SLC8A3: variants seen among roughly 807,000 people sequenced by gnomAD.
The protein encoded by SLC8A3 is sodium/calcium exchanger 3.
Under a neutral mutation model 65.4 loss-of-function variants are expected in SLC8A3, and 37 were observed. The observed-to-expected ratio is 0.57, with a 90% confidence interval of 0.44 to 0.74. The LOEUF (loss-of-function observed/expected upper bound fraction) is 0.74, where lower values mean the gene tolerates loss of function less well. SLC8A3 is among the 30% of genes least tolerant of loss of function. The probability of loss-of-function intolerance (pLI) is 0.00; values close to 1 mark genes in which losing one functional copy is unlikely to be tolerated. For missense variants in SLC8A3, 1,112 were observed against 1,172.1 expected (o/e 0.95, Z 0.75); for synonymous variants, 461 against 444.5 (o/e 1.04, Z -0.47).
intron 3 of SLC8A3, among the ~76,000 whole-genome samples, chr14:70,054,752 A>AT (rs943167767): frequency 9.9e-5 from 15 of 151,900 alleles, no homozygotes; most frequent in South Asian, 2.1e-4. Flanking sequence ...AGTTACCTAC[A>AT]TTTTTTTTGT....
At chr14:70,088,092 G>T (rs138993034) in intron 2 of SLC8A3, among the ~76,000 whole-genome samples, 162 of 152,290 alleles carry the variant, frequency 1.1e-3, no homozygotes, top group African/African-American at 3.7e-3. Flanking sequence ...AAAGATTCAG[G>T]TAAGTGAGGG....
rs557119270 is a variant in SLC8A3 at position 70,182,564 on chromosome 14, G to GAAAA, written c.-63+5814_-63+5815insTTTT. 2.6e-3 allele frequency among the ~76,000 whole-genome samples: 390 copies of GAAAA among 151,828 alleles called. 1 individual carries two copies. The highest frequency in any genetic ancestry group is 9.0e-3 in the African/African-American group (374 of 41,348). On this transcript the variant is annotated intron_variant, in intron 1 of 6. Transcript: ENST00000356921. The stretch of plus-strand genomic sequence containing the variant: ...TATCTGGTGCAGGGAGAGAGAGAGA[G>GAAAA]AAAGAGGGAGGACAGCGGGCAGCTC...
chr14:70,100,230 A>G (rs182511158), intron 2 of SLC8A3, among the ~76,000 whole-genome samples: 1 of 152,348 alleles, frequency 6.6e-6, no homozygotes, highest in East Asian at 1.9e-4. Context: ...GATGAGGTCA[A>G]GGTTAAACCT....
At position 70,073,702 on chromosome 14, in the gene SLC8A3, C is replaced by T. The variant is rs73292549; in HGVS notation, c.1785-12763G>A. Among the ~76,000 whole-genome samples, 968 of 152,244 alleles carry T rather than the reference C, an allele frequency of 6.4e-3. 9 individuals are homozygous for T. Among genetic ancestry groups the T allele is most frequent in the African/African-American group, 0.022 (901 of 41,530 alleles). On this transcript the variant is annotated intron_variant, in intron 2 of 6. Coordinates refer to ENST00000356921, the MANE Select transcript of SLC8A3 (RefSeq NM_182932.3). ...CTTGTCTTCTCTCACTGCTGGGAAT[C>T]TTATTTTGAGAGAACAAATTTGATC... is the stretch of plus-strand genomic sequence containing the variant.
intron 3 of SLC8A3, among the ~76,000 whole-genome samples, chr14:70,055,367 C>T (rs1451915284): frequency 2.0e-5 from 3 of 152,242 alleles, no homozygotes; most frequent in Admixed American, 2.0e-4. Flanking sequence ...TTGGTTATTT[C>T]CTGGATCCCT....
At chr14:70,100,509 C>A (rs1379678386) in intron 2 of SLC8A3, among the ~76,000 whole-genome samples, 2 of 152,156 alleles carry the variant, frequency 1.3e-5, no homozygotes, top group African/African-American at 4.8e-5. Context: ...AAGGTTCAAG[C>A]AACTTTAGAT....
intron 2 of SLC8A3, among the ~76,000 whole-genome samples, chr14:70,100,990 C>T (rs540236363): frequency 5.3e-5 from 8 of 152,094 alleles, no homozygotes; most frequent in East Asian, 3.9e-4. Context: ...AAAGACTACA[C>T]GAATGTAAGG....
intron 1 of SLC8A3, among the ~76,000 whole-genome samples, chr14:70,174,651 GTTTTTTTTTTGTTT>G (rs546810933): frequency 0.12 from 10,469 of 89,534 alleles, 868 homozygotes; most frequent in Middle Eastern, 0.18. Context: ...GACCAAATCC[GTTTTTTTTTTGTTT>G]TTTTTTTTTT....
intron 2 of SLC8A3, among the ~76,000 whole-genome samples, chr14:70,131,747 T>C (rs1894840571): frequency 6.6e-6 from 1 of 152,226 alleles, no homozygotes; most frequent in Non-Finnish European, 1.5e-5. Context: ...GAAGACATTG[T>C]ATATGCGTGA....
chr14:70,048,264 G>A (rs79082501), intron 6 of SLC8A3: 12 of 237,576 alleles, frequency 5.1e-5, no homozygotes, highest in Non-Finnish European at 8.2e-6. Context: ...AAGAATGTAT[G>A]TGGGCATTTC....
intron 2 of SLC8A3, among the ~76,000 whole-genome samples, chr14:70,141,996 C>T (rs1442442107): frequency 6.6e-6 from 1 of 152,150 alleles, no homozygotes; most frequent in Non-Finnish European, 1.5e-5. Context: ...CACCAGTGAC[C>T]AGAGCCCTGC....
intron 2 of SLC8A3, among the ~76,000 whole-genome samples, chr14:70,096,618 C>A (rs1264108358): frequency 6.6e-6 from 1 of 152,222 alleles, no homozygotes; most frequent in Non-Finnish European, 1.5e-5. Context: ...TCCTCTATCA[C>A]TCCACACCTC....
intron 1 of SLC8A3, among the ~76,000 whole-genome samples, chr14:70,177,111 G>C (rs923188179): frequency 2.6e-5 from 4 of 152,254 alleles, no homozygotes; most frequent in Admixed American, 6.5e-5. Context: ...TAAGTTCCAA[G>C]AGGGTAGAAA....
chr14:70,135,263 G>A (rs564573024), intron 2 of SLC8A3, among the ~76,000 whole-genome samples: 17 of 152,316 alleles, frequency 1.1e-4, no homozygotes, highest in African/African-American at 3.4e-4. Flanking sequence ...AGGATGTGGA[G>A]AAAGGAGATG....
chr14:70,168,011 G>C lies in SLC8A3; in HGVS notation c.412C>G (p.Leu138Val). ...VWNETVSNLT[L>V]MALGSSAPEI... ...GGAGCAGAGGAACCCAGGGCCATAA[G>C]GGTCAGGTTGGAGACAGTTTCATTC... is the stretch of plus-strand genomic sequence containing the variant. Residue 138 changes from leucine (L) to valine (V), a missense_variant, in exon 2 of 7, where the codon CTT becomes GTT. Coordinates refer to ENST00000356921, the MANE Select transcript of SLC8A3 (RefSeq NM_182932.3). The C allele has an allele frequency of 1.9e-6, 3 of 1,614,136 alleles. No homozygotes were observed. The highest frequency in any genetic ancestry group is 2.5e-6 in the Non-Finnish European group (3 of 1,180,018).
chr14:70,099,734 A>G (rs1295824702), intron 2 of SLC8A3, among the ~76,000 whole-genome samples: 2 of 152,224 alleles, frequency 1.3e-5, no homozygotes, highest in African/African-American at 4.8e-5. Flanking sequence ...TCAGATATGC[A>G]TCCTTACGAT....
Position 70,168,011 on chromosome 14 carries a change from G to A in SLC8A3, c.412C>T (p.Leu138Phe), listed in dbSNP as rs548296449. 1 of 1,614,018 alleles carries A rather than the reference G, an allele frequency of 6.2e-7. No homozygotes were observed. The highest frequency in any genetic ancestry group is 1.3e-5 in the African/African-American group (1 of 74,918). ...GGAGCAGAGGAACCCAGGGCCATAA[G>A]GGTCAGGTTGGAGACAGTTTCATTC... Reference protein sequence around the residue: ...VWNETVSNLTLMALGSSAPEI... With the variant: ...VWNETVSNLTFMALGSSAPEI... Residue 138 changes from leucine (L) to phenylalanine (F), a missense_variant, in exon 2 of 7, where the codon CTT becomes TTT. Leu to Phe is a conservative substitution (Grantham distance 22). Transcript: ENST00000356921.
In SLC8A3 at chr14:70,143,642, G is replaced by A. The variant is rs545088792; in HGVS notation, c.1784+22997C>T. Among the ~76,000 whole-genome samples, 9 of 152,212 alleles carry A rather than the reference G, an allele frequency of 5.9e-5. No individual in the cohort carries two copies. In the South Asian group the frequency reaches 1.7e-3, roughly 28 times the overall value. On this transcript the variant is annotated intron_variant, in intron 2 of 6. Coordinates refer to ENST00000356921, the MANE Select transcript of SLC8A3 (RefSeq NM_182932.3). ...TTTTCAAGCTTCCCGGGTAATTCTC[G>A]GGAGAAGCCAGGCTGAGAAGCCCTC...
intron 2 of SLC8A3, among the ~76,000 whole-genome samples, chr14:70,141,064 A>G (rs1895539346): frequency 6.6e-6 from 1 of 152,258 alleles, no homozygotes; most frequent in Non-Finnish European, 1.5e-5. Context: ...AATGGTCATA[A>G]TACCGATGCG....
Sources: gnomAD v4.1 joint callset for allele counts (sites outside exome capture counted in the v4.1 genomes callset) on GRCh38, gnomAD v4.1.1 for gene constraint, MANE v1.5 for transcripts, NCBI Gene and HGNC (gene_info 2026-07-23, HGNC 2026-07-21) for gene names.